AVEN: variants seen among roughly 807,000 people sequenced by gnomAD.
AVEN encodes the protein cell death regulator Aven.
AVEN carries 41 observed loss-of-function variants against 38.1 expected under a neutral mutation model. The ratio of observed to expected loss-of-function variants is 1.08; its 90% CI spans 0.84 to 1.40. AVEN has a LOEUF of 1.40. AVEN is among the 40% of genes most tolerant of loss of function. The probability of loss-of-function intolerance (pLI) is 0.00; values close to 1 mark genes in which losing one functional copy is unlikely to be tolerated. For synonymous variants in AVEN, 206 were observed against 171.8 expected (o/e 1.20, Z -1.56); for missense variants, 605 against 438.8 (o/e 1.38, Z -3.38).
rs534477990 is a variant in AVEN at position 33,896,546 on chromosome 15, C to T, written c.446-20551G>A. Among the ~76,000 whole-genome samples the T allele has an allele frequency of 8.5e-5, 13 of 152,270 alleles. No homozygotes were observed. In the South Asian group the frequency reaches 2.7e-3, roughly 32 times the overall value. On this transcript the variant is annotated intron_variant, in intron 2 of 5. Transcript: ENST00000306730. ...ACTGTTTAGGGGCTGGGAGAGAGTC[C>T]TCATTTGATGTGTTTAACAATATCC...
intron 2 of AVEN, among the ~76,000 whole-genome samples, chr15:33,980,081 G>C (rs1242623563): frequency 6.6e-6 from 1 of 152,208 alleles, no homozygotes; most frequent in Non-Finnish European, 1.5e-5. Context: ...TTGAATCCAT[G>C]ATATTGTTTA....
intron 2 of AVEN, among the ~76,000 whole-genome samples, chr15:33,891,283 G>C (rs1019796304): frequency 6.6e-6 from 1 of 152,162 alleles, no homozygotes; most frequent in East Asian, 1.9e-4. Flanking sequence ...TGCACAACGT[G>C]CAGGTTTGAT....
intron 2 of AVEN, chr15:33,968,848 A>G (rs1240805058): frequency 3.9e-5 from 6 of 152,098 alleles, no homozygotes; most frequent in South Asian, 2.1e-4. Context: ...GAAGCATTCA[A>G]TGAATCTTTA....
chr15:33,900,668 A>G (rs1185448552), intron 2 of AVEN, among the ~76,000 whole-genome samples: 2 of 152,110 alleles, frequency 1.3e-5, no homozygotes. Context: ...GTCAAGTAAA[A>G]TATCATTGGT....
At chr15:33,998,636 C>G (rs1299228294) in intron 2 of AVEN, among the ~76,000 whole-genome samples, 1 of 152,166 alleles carries the variant, frequency 6.6e-6, no homozygotes, top group East Asian at 1.9e-4. Flanking sequence ...TGCCACCACT[C>G]CAACAAAACT....
At chr15:33,915,926 T>C (rs1270870520) in intron 2 of AVEN, among the ~76,000 whole-genome samples, 1 of 152,074 alleles carries the variant, frequency 6.6e-6, no homozygotes, top group Non-Finnish European at 1.5e-5. Context: ...CCTGGTGACC[T>C]GCATGACACA....
chr15:33,861,038 T>G, intron 11 of AVEN: 1 of 1,415,220 alleles, frequency 7.1e-7, no homozygotes, highest in Non-Finnish European at 9.8e-7. Context: ...CTGCCTATAT[T>G]ATGCCAACAA....
intron 2 of AVEN, among the ~76,000 whole-genome samples, chr15:33,984,572 T>C (rs1479480636): frequency 2.6e-5 from 4 of 152,078 alleles, no homozygotes; most frequent in South Asian, 2.1e-4. Flanking sequence ...CCGGCTAATT[T>C]TGTATTTTCA....
intron 2 of AVEN, among the ~76,000 whole-genome samples, chr15:33,961,430 G>A (rs1180250486): frequency 6.6e-6 from 1 of 152,182 alleles, no homozygotes; most frequent in African/African-American, 2.4e-5. Context: ...AGGTTCTACT[G>A]TTCTAACGTA....
At chr15:34,064,071 A>G in intron 4 of AVEN, 1 of 1,614,202 alleles carries the variant, frequency 6.2e-7, no homozygotes, top group Non-Finnish European at 8.5e-7. Flanking sequence ...CCTGGCCTTC[A>G]TCATCACATG....
In AVEN at chr15:34,063,706, A is replaced by G. The variant is rs747242630; in HGVS notation, n.1127-274T>C. The G allele has an allele frequency of 2.5e-6, 4 of 1,614,096 alleles. No homozygotes were observed. In the East Asian group the frequency reaches 8.9e-5, roughly 36 times the overall value. ...CAAGTGGTCTACAAGAGTCAGGGTA[A>G]GGAAAGCCCAGGGGAAGAATTCAGT... On this transcript the variant is annotated intron_variant and non_coding_transcript_variant, in intron 4 of 11. Transcript: ENST00000675287. This position sits in a 1 kb window ranked among gnomAD's most constrained non-coding sequence, Gnocchi z 4.1.
chr15:34,035,859 A>G (rs1487816186), intron 1 of AVEN, among the ~76,000 whole-genome samples: 1 of 152,176 alleles, frequency 6.6e-6, no homozygotes, highest in Non-Finnish European at 1.5e-5. Context: ...CAGTGGCAGG[A>G]TCACAGCTCA....
chr15:34,061,366 C>T (rs1394006376), intron 5 of AVEN, among the ~76,000 whole-genome samples: 1 of 151,140 alleles, frequency 6.6e-6, no homozygotes, highest in African/African-American at 2.4e-5. Flanking sequence ...AATGTACAGT[C>T]ATTACAATGA....
chr15:33,996,455 G>A (rs563799054), intron 2 of AVEN, among the ~76,000 whole-genome samples: 3 of 152,268 alleles, frequency 2.0e-5, no homozygotes, highest in Admixed American at 2.0e-4. Flanking sequence ...TCATACAGGC[G>A]GGTGCCCCTC....
In AVEN at chr15:33,926,493, C is replaced by T. The variant is rs557333787; in HGVS notation, c.446-50498G>A. Among the ~76,000 whole-genome samples the T allele has an allele frequency of 3.2e-3, 486 of 152,172 alleles. 3 individuals carry two copies. The highest frequency in any genetic ancestry group is 5.3e-3 in the Non-Finnish European group (363 of 68,002). On this transcript the variant is annotated intron_variant, in intron 2 of 5. Transcript: ENST00000306730. ...TTATTGACAGGTTATTTAGAATCTC[C>T]GTGCCTCAGATTTCTCCTCTTTAAA...
chr15:33,900,760 A>G (rs183925199), intron 2 of AVEN, among the ~76,000 whole-genome samples: 56 of 152,278 alleles, frequency 3.7e-4, no homozygotes, highest in Admixed American at 8.5e-4. Flanking sequence ...GTTTAAATCA[A>G]ATTTAATTTA....
At chr15:34,024,472 CAAAAA>C (rs10531898) in intron 1 of AVEN, among the ~76,000 whole-genome samples, 6 of 101,924 alleles carry the variant, frequency 5.9e-5, no homozygotes, top group Non-Finnish European at 1.0e-4. Context: ...GACCCTGTCT[CAAAAA>C]AAAAAAAAAA....
At chr15:33,852,400 C>T in the AVEN span, 1 of 152,136 alleles carries the variant, frequency 6.6e-6, no homozygotes, top group Non-Finnish European at 1.5e-5. Context: ...GAAGAAAGAT[C>T]ATCTCTCTGG....
intron 5 of AVEN, among the ~76,000 whole-genome samples, chr15:34,053,103 G>A (rs578157646): frequency 4.6e-5 from 7 of 151,480 alleles, no homozygotes; most frequent in South Asian, 2.1e-4. Flanking sequence ...AATTTGAGAC[G>A]AGCCTAGCCA....
Sources: gnomAD v4.1 joint callset for allele counts (sites outside exome capture counted in the v4.1 genomes callset) on GRCh38, gnomAD v4.1.1 for gene constraint, Gnocchi (gnomAD v3.1) non-coding constraint, MANE v1.5 for transcripts, NCBI Gene and HGNC (gene_info 2026-07-23, HGNC 2026-07-21) for gene names.